SGK3: variants seen among roughly 807,000 people sequenced by gnomAD.
SGK3 encodes the protein serine/threonine-protein kinase Sgk3.
Under a neutral mutation model 68.5 loss-of-function variants are expected in SGK3, and 47 were observed. That is an observed-to-expected ratio of 0.69 (90% CI 0.54 to 0.87). The LOEUF (loss-of-function observed/expected upper bound fraction) is 0.87, where lower values mean the gene tolerates loss of function less well. SGK3 is among the 40% of genes least tolerant of loss of function. SGK3 has a pLI of 0.00. For synonymous variants in SGK3, 181 were observed against 189.1 expected (o/e 0.96, Z 0.35); for missense variants, 479 against 575.5 (o/e 0.83, Z 1.72).
At chr8:66,801,117 A>G (rs1261859754) in intron 3 of SGK3, among the ~76,000 whole-genome samples, 1 of 152,240 alleles carries the variant, frequency 6.6e-6, no homozygotes, top group Non-Finnish European at 1.5e-5. Context: ...TATCTGAAAT[A>G]CTTGGAACCA....
chr8:66,838,842 T>TAAC (rs1182291453), intron 10 of SGK3, among the ~76,000 whole-genome samples: 1 of 152,206 alleles, frequency 6.6e-6, no homozygotes. Context: ...TGTTCATACT[T>TAAC]AAAAATTTTA....
chr8:66,860,944 G>A lies in SGK3; in HGVS notation c.*1363G>A, dbSNP rs1440426930. ...TTGAGACCATCCTGGGCAACATGGC[G>A]AAACCCTATCTCTACAAAAAATACA... On this transcript the variant is annotated 3_prime_UTR_variant, in exon 17 of 17. Coordinates refer to ENST00000521198, the MANE Select transcript of SGK3 (RefSeq NM_001033578.3). 6.6e-6 allele frequency: 1 copy of A among 151,810 alleles called. No individual in the cohort carries two copies. Among genetic ancestry groups the A allele is most frequent in the Non-Finnish European group, 1.5e-5 (1 of 67,994 alleles). The allele number at this position is 151,810 out of a possible 1,614,324, so 9.4% of individuals were successfully genotyped here.
chr8:66,723,111 ATATATATATATATATATATATTTTTTTT>A lies in SGK3; in HGVS notation c.-122+10280_-122+10307del, dbSNP rs1804856161. On this transcript the variant is annotated intron_variant, in intron 1 of 16. Coordinates refer to ENST00000521198, the MANE Select transcript of SGK3 (RefSeq NM_001033578.3). ...TGTTCATATATATATATATATATATATATATATATATATATATATATTTTTTTTTTTTTTTTTTTTTGTAAAAGGGTCG... is the reference window on the plus strand; with the variant it reads ...TGTTCATATATATATATATATATATATTTTTTTTTTTTTGTAAAAGGGTCG... Among the ~76,000 whole-genome samples, 2 of 46,492 alleles carry A rather than the reference ATATATATATATATATATATATTTTTTTT, an allele frequency of 4.3e-5. 1 individual carries two copies. The highest frequency in any genetic ancestry group is 1.8e-4 in the African/African-American group (2 of 11,346). 30.5% of individuals were successfully genotyped at this position (46,492 alleles called of 152,430 possible).
chr8:66,826,067 G>T (rs1208896623), intron 6 of SGK3, among the ~76,000 whole-genome samples: 2 of 151,888 alleles, frequency 1.3e-5, no homozygotes, highest in African/African-American at 4.8e-5. Context: ...CCCCCTCCTG[G>T]TTTCAAGTGA....
Position 66,766,038 on chromosome 8 carries a change from AT to A in SGK3, c.-121-27576del, listed in dbSNP as rs1358146839. ...ATACTCCGTCAAAAAAAAAAAAAAA[AT>A]TGGATTTTTCCAAATGTCTTGCTGT... On this transcript the variant is annotated intron_variant, in intron 1 of 16. Transcript: ENST00000521198. Among the ~76,000 whole-genome samples, 5 of 150,610 alleles carry A rather than the reference AT, an allele frequency of 3.3e-5. 1 individual carries two copies. The highest frequency in any genetic ancestry group is 1.2e-4 in the African/African-American group (5 of 40,420).
intron 1 of SGK3, among the ~76,000 whole-genome samples, chr8:66,780,679 C>T (rs2130524858): frequency 6.6e-6 from 1 of 152,230 alleles, no homozygotes; most frequent in South Asian, 2.1e-4. Flanking sequence ...GCGAGAGGCC[C>T]TGGTGGGTGC....
intron 1 of SGK3, among the ~76,000 whole-genome samples, chr8:66,725,412 A>G (rs2130350616): frequency 6.6e-6 from 1 of 151,942 alleles, no homozygotes; most frequent in African/African-American, 2.4e-5. Flanking sequence ...GAAAAAAAAA[A>G]AAGACAGTGT....
chr8:66,847,125 G>T (rs1810062972), intron 14 of SGK3, 68 bp from the exon 15 acceptor site: 1 of 1,558,896 alleles, frequency 6.4e-7, no homozygotes, highest in Non-Finnish European at 8.6e-7. Flanking sequence ...CAAGATTAAA[G>T]CCATTTTAAC....
At chr8:66,829,317 G>GT (rs1426024204) in intron 7 of SGK3, among the ~76,000 whole-genome samples, 2 of 151,586 alleles carry the variant, frequency 1.3e-5, no homozygotes, top group African/African-American at 2.4e-5. Flanking sequence ...ACTCTGAAGT[G>GT]TTTTTTTATT....
intron 1 of SGK3, among the ~76,000 whole-genome samples, chr8:66,745,179 T>C (rs1219614246): frequency 6.6e-6 from 1 of 152,136 alleles, no homozygotes; most frequent in East Asian, 1.9e-4. Flanking sequence ...TTTCATTGTT[T>C]TGTTTGTTTG....
At chr8:66,828,738 G>T (rs1809170717) in intron 7 of SGK3, 35 bp downstream of exon 7, 1 of 1,609,900 alleles carries the variant, frequency 6.2e-7, no homozygotes, top group Non-Finnish European at 8.5e-7. Flanking sequence ...TTTTTTAACT[G>T]AATTTTAGGA....
rs183242845 is a variant in SGK3 at position 66,717,925 on chromosome 8, C to T, written c.-122+5092C>T. ...CTGTATTGGCCAGGCAGGTCTCGAA[C>T]TCCTGGCCTCAGTTATCCACCCGCC... On this transcript the variant is annotated intron_variant, in intron 1 of 16. Transcript: ENST00000521198. 5.4e-4 allele frequency among the ~76,000 whole-genome samples: 82 copies of T among 152,282 alleles called. 1 individual carries two copies. Among genetic ancestry groups the T allele is most frequent in the Admixed American group, 2.5e-3 (39 of 15,298 alleles).
intron 1 of SGK3, among the ~76,000 whole-genome samples, chr8:66,772,280 G>C (rs555352940): frequency 7.4e-5 from 11 of 149,006 alleles, no homozygotes; most frequent in African/African-American, 2.7e-4. Context: ...TAGAGACGGA[G>C]TCTCTCTGTA....
intron 1 of SGK3, among the ~76,000 whole-genome samples, chr8:66,755,526 C>T (rs1478833845): frequency 6.6e-6 from 1 of 152,180 alleles, no homozygotes. Context: ...GTTAGGGATG[C>T]TTAGCCTGTA....
intron 1 of SGK3, among the ~76,000 whole-genome samples, chr8:66,732,716 A>C (rs895728413): frequency 3.3e-5 from 5 of 151,572 alleles, no homozygotes; most frequent in Non-Finnish European, 7.4e-5. Context: ...ATGGTGGTAC[A>C]CACCTGTAAT....
At chr8:66,777,238 A>C (rs1296931680) in intron 1 of SGK3, among the ~76,000 whole-genome samples, 1 of 152,188 alleles carries the variant, frequency 6.6e-6, no homozygotes, top group East Asian at 1.9e-4. Flanking sequence ...ATTGCATACA[A>C]CACCACACTT....
intron 1 of SGK3, chr8:66,790,660 C>T (rs1403157474): frequency 6.6e-6 from 1 of 152,216 alleles, no homozygotes; most frequent in Non-Finnish European, 1.5e-5. Context: ...ATTTTCTACC[C>T]ATCTCTTTGG....
At chr8:66,746,906 T>C (rs1288707533) in intron 1 of SGK3, among the ~76,000 whole-genome samples, 1 of 152,094 alleles carries the variant, frequency 6.6e-6, no homozygotes, top group Admixed American at 6.5e-5. Flanking sequence ...TAATGTTTCT[T>C]CTACTCAGGG....
rs147916422 is a variant in SGK3 at position 66,752,472 on chromosome 8, AT to A, written c.-122+39642del. ...GGATGATAATTTAAGATAGCATTAAATTTAGGGGGCTATGGGAATACCCCCT... is the reference window on the plus strand; with the variant it reads ...GGATGATAATTTAAGATAGCATTAAATTAGGGGGCTATGGGAATACCCCCT... On this transcript the variant is annotated intron_variant, in intron 1 of 16. Coordinates refer to ENST00000521198, the MANE Select transcript of SGK3 (RefSeq NM_001033578.3). Among the ~76,000 whole-genome samples the A allele has an allele frequency of 7.5e-3, 1,140 of 152,232 alleles. 11 individuals are homozygous for A. Among genetic ancestry groups the A allele is most frequent in the African/African-American group, 0.026 (1,069 of 41,532 alleles).
Sources: allele counts gnomAD v4.1 joint callset (sites outside exome capture counted in the v4.1 genomes callset), GRCh38; gene constraint gnomAD v4.1.1; transcripts MANE v1.5; gene names NCBI Gene and HGNC (gene_info 2026-07-23, HGNC 2026-07-21).